Variants in CHL1 observed in about 807,000 individuals in gnomAD.
CHL1 encodes the protein neural cell adhesion molecule L1-like protein.
A neutral mutation model predicts 141.9 loss-of-function variants in CHL1; 96 were observed. That is an observed-to-expected ratio of 0.68 (90% CI 0.57 to 0.80). The LOEUF is 0.80. Among genes scored for constraint, CHL1 ranks in the 30% least tolerant of loss-of-function variants. The pLI is 0.00. For missense variants in CHL1, 1,820 were observed against 1,457.2 expected (o/e 1.25, Z -4.05); for synonymous variants, 613 against 502.2 (o/e 1.22, Z -2.95).
chr3:407,938 C>T lies in CHL1; in HGVS notation c.*2227C>T, dbSNP rs973194687. On this transcript the variant is annotated 3_prime_UTR_variant, in exon 28 of 28. Coordinates refer to ENST00000256509, the MANE Select transcript of CHL1 (RefSeq NM_006614.4). The stretch of plus-strand genomic sequence containing the variant: ...TATGAAAAATGAGATTGAATGATGA[C>T]TATGCTTTGCTATCATTGTTACCTT... 19 of 152,052 alleles carry T rather than the reference C, an allele frequency of 1.2e-4. No individual in the cohort carries two copies. Among genetic ancestry groups the T allele is most frequent in the African/African-American group, 4.3e-4 (18 of 41,408 alleles). The allele number at this position is 152,052 out of a possible 1,614,324, so 9.4% of individuals were successfully genotyped here. A position where few individuals can be genotyped will look rare whatever the true frequency, so the allele number is the denominator to read the frequency against.
In CHL1 at chr3:363,355, T is replaced by G. The variant is rs1467597602; in HGVS notation, c.1557T>G (p.Thr519=). The G allele has an allele frequency of 6.2e-7, 1 of 1,611,500 alleles. No individual in the cohort carries two copies. Among genetic ancestry groups the G allele is most frequent in the Non-Finnish European group, 8.5e-7 (1 of 1,179,172 alleles). The change falls in exon 14 of 28, where the codon ACT becomes ACG. Residue 519 remains threonine, a synonymous_variant. Transcript: ENST00000256509. The part of the protein sequence containing the change: ...SCWVENAIGK[T]AVTANLDIRN... ...GGGTAGAAAATGCTATAGGAAAAAC[T>G]GCAGTCACAGCCAATTTGGATATTA... is the stretch of plus-strand genomic sequence containing the variant.
At chr3:333,719 A>G (rs768234588) in intron 5 of CHL1, among the ~76,000 whole-genome samples, 28 of 152,182 alleles carry the variant, frequency 1.8e-4, no homozygotes, top group Non-Finnish European at 3.4e-4. Context: ...CTCCAGAAAT[A>G]TACATCCTGT....
chr3:400,174 ATTACTGGC>A (rs1709008508), intron 26 of CHL1, among the ~76,000 whole-genome samples: 1 of 152,222 alleles, frequency 6.6e-6, no homozygotes, highest in South Asian at 2.1e-4. Context: ...TGAGAAGTTC[ATTACTGGC>A]TTATGATTTA....
At chr3:361,837 A>G (rs1559309882) in intron 13 of CHL1, 27 bp downstream of exon 13, 1 of 1,402,502 alleles carries the variant, frequency 7.1e-7, no homozygotes, top group East Asian at 2.3e-5. Context: ...TGGTTTTCTT[A>G]AGAGAATGTC....
intron 11 of CHL1, among the ~76,000 whole-genome samples, chr3:356,565 G>C (rs991107302): frequency 2.6e-5 from 4 of 152,162 alleles, no homozygotes; most frequent in African/African-American, 9.7e-5. Context: ...AGCTGGGTAA[G>C]GGCAGTGCCT....
chr3:291,932 T>C (rs1022419879), intron 2 of CHL1, among the ~76,000 whole-genome samples: 4 of 152,222 alleles, frequency 2.6e-5, no homozygotes, highest in African/African-American at 9.7e-5. Flanking sequence ...AACCTTTGTG[T>C]GTTTGGAAAT....
intron 1 of CHL1, among the ~76,000 whole-genome samples, chr3:230,952 G>C (rs1333887631): frequency 6.6e-6 from 1 of 152,136 alleles, no homozygotes; most frequent in Non-Finnish European, 1.5e-5. Flanking sequence ...CATATTTATG[G>C]AGAAAGAATC....
chr3:330,490 A>G (rs1482797887), intron 5 of CHL1, among the ~76,000 whole-genome samples: 1 of 152,142 alleles, frequency 6.6e-6, no homozygotes, highest in Non-Finnish European at 1.5e-5. Context: ...GGGAGAAAAT[A>G]GTATAAAAGC....
chr3:229,154 T>C (rs1559302886), intron 1 of CHL1, among the ~76,000 whole-genome samples: 1 of 152,236 alleles, frequency 6.6e-6, no homozygotes. Flanking sequence ...GCTTTCTATT[T>C]TAAGGTGGTG....
chr3:310,174 G>T (rs1699637731), intron 2 of CHL1, among the ~76,000 whole-genome samples: 1 of 152,142 alleles, frequency 6.6e-6, no homozygotes, highest in South Asian at 2.1e-4. Context: ...GTTGGGCACA[G>T]TGGCTAGCAC....
At chr3:281,946 C>G (rs916234615) in intron 2 of CHL1, among the ~76,000 whole-genome samples, 1 of 152,198 alleles carries the variant, frequency 6.6e-6, no homozygotes, top group African/African-American at 2.4e-5. Flanking sequence ...ATAATCATAT[C>G]ATTTCAAAAA....
At chr3:257,196 A>G (rs1694249548) in intron 2 of CHL1, among the ~76,000 whole-genome samples, 1 of 152,232 alleles carries the variant, frequency 6.6e-6, no homozygotes, top group Admixed American at 6.5e-5. Flanking sequence ...AATCTAAGAT[A>G]TAATTAAATA....
At chr3:208,158 A>T (rs752919064) in intron 1 of CHL1, among the ~76,000 whole-genome samples, 1 of 152,158 alleles carries the variant, frequency 6.6e-6, no homozygotes, top group Non-Finnish European at 1.5e-5. Flanking sequence ...AGAAACATTG[A>T]CTGCTGCCTC....
At chr3:376,489 G>A (rs1706343110) in intron 15 of CHL1, 1 of 490,164 alleles carries the variant, frequency 2.0e-6, no homozygotes, top group Admixed American at 2.1e-5. Context: ...ATTAATTGGA[G>A]GCACCTAAGA....
At position 381,576 on chromosome 3, in the gene CHL1, G is replaced by A. The variant is rs76284530; in HGVS notation, c.1877-603G>A. On this transcript the variant is annotated intron_variant, in intron 16 of 27. Transcript: ENST00000256509. The stretch of plus-strand genomic sequence containing the variant: ...ATTGCTTTATGCCTAAAAGGGTGAG[G>A]TATCTTGAACTGGAGTTGGGGCATG... 3.6e-3 allele frequency among the ~76,000 whole-genome samples: 553 copies of A among 152,284 alleles called. 7 individuals are homozygous for A. Among genetic ancestry groups the A allele is most frequent in the African/African-American group, 0.013 (528 of 41,558 alleles).
At chr3:405,186 A>G (rs776045228) in intron 27 of CHL1, among the ~76,000 whole-genome samples, 3 of 152,304 alleles carry the variant, frequency 2.0e-5, no homozygotes, top group Non-Finnish European at 4.4e-5. Flanking sequence ...GCCACTGTGG[A>G]CATCAACAGG....
chr3:344,804 T>G, intron 9 of CHL1, 95 bp downstream of exon 9: 2 of 1,259,764 alleles, frequency 1.6e-6, no homozygotes, highest in East Asian at 2.5e-5. Context: ...AAAGATATTT[T>G]AAAATTATTT....
At chr3:386,372 G>C (rs1313425439) in intron 19 of CHL1, among the ~76,000 whole-genome samples, 1 of 152,102 alleles carries the variant, frequency 6.6e-6, no homozygotes, top group Non-Finnish European at 1.5e-5. Flanking sequence ...CTTAATGGTA[G>C]AACTAGGCTT....
intron 1 of CHL1, among the ~76,000 whole-genome samples, chr3:220,913 A>G (rs139122404): frequency 5.9e-5 from 9 of 152,302 alleles, no homozygotes; most frequent in Non-Finnish European, 1.2e-4. Flanking sequence ...AACATTTACA[A>G]TCAATTGTCT....
Sources: gnomAD v4.1 joint callset for allele counts (sites outside exome capture counted in the v4.1 genomes callset) on GRCh38, gnomAD v4.1.1 for gene constraint, MANE v1.5 for transcripts, NCBI Gene and HGNC (gene_info 2026-07-23, HGNC 2026-07-21) for gene names.